Variants in FSTL5 observed in about 807,000 individuals in gnomAD.
The protein encoded by FSTL5 is follistatin like 5, also known as follistatin-related protein 5.
FSTL5 carries 62 observed loss-of-function variants against 89.1 expected under a neutral mutation model. The ratio of observed to expected loss-of-function variants is 0.70; its 90% CI spans 0.57 to 0.86. The LOEUF (loss-of-function observed/expected upper bound fraction) is 0.86. FSTL5 is among the 40% of genes least tolerant of loss of function. FSTL5 has a pLI of 0.00. For missense variants in FSTL5, 1,057 were observed against 1,001.6 expected, an observed-to-expected ratio of 1.06 and a Z score of -0.75; for synonymous variants, 383 against 346.2, an observed-to-expected ratio of 1.11 and a Z score of -1.18.
At chr4:161,703,182 A>G (rs78361516) in intron 6 of FSTL5, among the ~76,000 whole-genome samples, 1 of 152,060 alleles carries the variant, frequency 6.6e-6, no homozygotes, top group African/African-American at 2.4e-5. Flanking sequence ...GAGCTGTGAG[A>G]AAAATATATA....
At chr4:161,934,794 CT>C (rs2110905172) in intron 3 of FSTL5, among the ~76,000 whole-genome samples, 1 of 152,138 alleles carries the variant, frequency 6.6e-6, no homozygotes, top group Admixed American at 6.6e-5. Flanking sequence ...CTTTCAGCAC[CT>C]TAATGTCTGC....
chr4:161,426,002 G>T (rs1345235586), intron 15 of FSTL5, among the ~76,000 whole-genome samples: 1 of 151,560 alleles, frequency 6.6e-6, no homozygotes, highest in African/African-American at 2.4e-5. Context: ...GTTTATCAAA[G>T]GTTTTAAACT....
intron 3 of FSTL5, among the ~76,000 whole-genome samples, chr4:161,994,358 T>C (rs1434499466): frequency 6.6e-6 from 1 of 152,098 alleles, no homozygotes; most frequent in African/African-American, 2.4e-5. Flanking sequence ...CATTCATGCA[T>C]GTATGGTAGA....
At chr4:161,406,721 T>G (rs970512304) in intron 15 of FSTL5, among the ~76,000 whole-genome samples, 1 of 152,230 alleles carries the variant, frequency 6.6e-6, no homozygotes, top group Non-Finnish European at 1.5e-5. Context: ...AAATGTGTTT[T>G]GTCTGGTATT....
intron 15 of FSTL5, among the ~76,000 whole-genome samples, chr4:161,405,275 A>C (rs1731332925): frequency 6.6e-6 from 1 of 150,760 alleles, no homozygotes; most frequent in African/African-American, 2.4e-5. Context: ...AGCTAAAGAA[A>C]AACATGGATC....
At chr4:161,696,613 C>A (rs564506741) in intron 6 of FSTL5, among the ~76,000 whole-genome samples, 16 of 152,250 alleles carry the variant, frequency 1.1e-4, no homozygotes, top group Admixed American at 8.5e-4. Context: ...TTTGTGTCAT[C>A]TATGATTTCT....
At chr4:161,494,935 A>C (rs371381142) in intron 12 of FSTL5, among the ~76,000 whole-genome samples, 29 of 152,112 alleles carry the variant, frequency 1.9e-4, no homozygotes, top group African/African-American at 6.0e-4. Flanking sequence ...AGTGGTGTGC[A>C]CTTGTAATTT....
chr4:161,429,680 G>T (rs1038889597), intron 15 of FSTL5, among the ~76,000 whole-genome samples: 1 of 152,202 alleles, frequency 6.6e-6, no homozygotes, highest in Admixed American at 6.5e-5. Context: ...AGATATGGCT[G>T]CAGAGAACAA....
intron 2 of FSTL5, among the ~76,000 whole-genome samples, chr4:162,058,731 A>C (rs549551485): frequency 2.9e-4 from 44 of 152,170 alleles, no homozygotes; most frequent in Admixed American, 2.9e-3. Context: ...GCCTGGCAGC[A>C]ACTGATCTAT....
intron 4 of FSTL5, among the ~76,000 whole-genome samples, chr4:161,872,748 G>C (rs1732315053): frequency 6.6e-6 from 1 of 152,146 alleles, no homozygotes; most frequent in African/African-American, 2.4e-5. Flanking sequence ...ACAGATGTCT[G>C]CTACTGTTTG....
At chr4:161,896,103 CT>C (rs1416151690) in intron 4 of FSTL5, among the ~76,000 whole-genome samples, 1 of 152,078 alleles carries the variant, frequency 6.6e-6, no homozygotes, top group African/African-American at 2.4e-5. Context: ...AGCCTTCATA[CT>C]TTTGATATAT....
chr4:161,469,924 C>T (rs1733878068), intron 13 of FSTL5, among the ~76,000 whole-genome samples: 2 of 151,968 alleles, frequency 1.3e-5, no homozygotes, highest in African/African-American at 4.8e-5. Flanking sequence ...TTACATTTGC[C>T]ACTTTTGAAT....
At chr4:161,801,762 C>G (rs1729801180) in intron 4 of FSTL5, among the ~76,000 whole-genome samples, 2 of 151,326 alleles carry the variant, frequency 1.3e-5, no homozygotes, top group Non-Finnish European at 3.0e-5. Flanking sequence ...AGAAAATTGT[C>G]TCTACATAGT....
chr4:161,589,884 T>A (rs1733746931), intron 7 of FSTL5, among the ~76,000 whole-genome samples: 1 of 151,994 alleles, frequency 6.6e-6, no homozygotes, highest in African/African-American at 2.4e-5. Flanking sequence ...CATAAGACTC[T>A]ACACAAGCAG....
At chr4:162,112,394 C>A (rs977461109) in intron 1 of FSTL5, among the ~76,000 whole-genome samples, 1 of 152,090 alleles carries the variant, frequency 6.6e-6, no homozygotes, top group African/African-American at 2.4e-5. Flanking sequence ...AAGCGTGTGC[C>A]ATCAGGCCGA....
At chr4:162,033,385 T>C (rs1010589162) in intron 3 of FSTL5, among the ~76,000 whole-genome samples, 1 of 151,890 alleles carries the variant, frequency 6.6e-6, no homozygotes, top group Non-Finnish European at 1.5e-5. Flanking sequence ...GAAAAAACAA[T>C]AACAACAAAA....
At chr4:161,426,909 C>T (rs1002967124) in intron 15 of FSTL5, among the ~76,000 whole-genome samples, 10 of 152,150 alleles carry the variant, frequency 6.6e-5, no homozygotes, top group Admixed American at 3.9e-4. Context: ...TACCAAAGAT[C>T]ATTTAAATAT....
intron 2 of FSTL5, among the ~76,000 whole-genome samples, chr4:162,067,677 A>G (rs1362988675): frequency 6.6e-6 from 1 of 152,034 alleles, no homozygotes; most frequent in Non-Finnish European, 1.5e-5. Flanking sequence ...CCACTCCAAC[A>G]TAATATTGGA....
intron 15 of FSTL5, among the ~76,000 whole-genome samples, chr4:161,411,124 G>A (rs1032968852): frequency 2.0e-5 from 3 of 152,020 alleles, no homozygotes; most frequent in Non-Finnish European, 4.4e-5. Context: ...ACAATCTCTC[G>A]AGATCGAATC....
Sources: allele counts gnomAD v4.1 joint callset (sites outside exome capture counted in the v4.1 genomes callset), GRCh38; gene constraint gnomAD v4.1.1; transcripts MANE v1.5; gene names NCBI Gene and HGNC (gene_info 2026-07-23, HGNC 2026-07-21).